The following ARHGAP15 variants were observed in gnomAD, a reference collection of about 807,000 sequenced individuals.
ARHGAP15 encodes the protein rho GTPase-activating protein 15.
Under a neutral mutation model 63.7 loss-of-function variants are expected in ARHGAP15, and 51 were observed. The observed-to-expected ratio is 0.80, with a 90% CI of 0.64 to 1.01. ARHGAP15 has a LOEUF of 1.01. Among genes scored for constraint, ARHGAP15 ranks in the 50% least tolerant of loss-of-function variants. ARHGAP15 has a pLI of 0.00. For synonymous variants in ARHGAP15, 191 were observed against 193.8 expected, an observed-to-expected ratio of 0.99 and a Z score of 0.12; for missense variants, 560 against 564.6, an observed-to-expected ratio of 0.99 and a Z score of 0.08.
chr2:143,529,700 A>T (rs1410203152), intron 10 of ARHGAP15, among the ~76,000 whole-genome samples: 4 of 152,012 alleles, frequency 2.6e-5, no homozygotes, highest in Non-Finnish European at 5.9e-5. Flanking sequence ...CTTTTTATCC[A>T]TCTGCCAAAT....
intron 12 of ARHGAP15, among the ~76,000 whole-genome samples, chr2:143,686,635 C>T (rs1420531166): frequency 2.0e-5 from 3 of 151,982 alleles, no homozygotes; most frequent in East Asian, 1.9e-4. Context: ...GGTATAAATG[C>T]CATATAGAGG....
intron 6 of ARHGAP15, among the ~76,000 whole-genome samples, chr2:143,417,645 C>T (rs1342258331): frequency 6.6e-6 from 1 of 152,142 alleles, no homozygotes; most frequent in Non-Finnish European, 1.5e-5. Context: ...TTGTGAATGA[C>T]GGGCACAGAT....
intron 8 of ARHGAP15, among the ~76,000 whole-genome samples, chr2:143,471,134 TAC>T (rs1227490201): frequency 4.1e-5 from 6 of 146,952 alleles, no homozygotes; most frequent in Non-Finnish European, 7.4e-5. Flanking sequence ...CATACATGTA[TAC>T]ACACATGTGT....
chr2:143,432,899 A>C (rs1434864764), intron 6 of ARHGAP15, among the ~76,000 whole-genome samples: 1 of 151,922 alleles, frequency 6.6e-6, no homozygotes, highest in Admixed American at 6.6e-5. Context: ...TCTTATCTAA[A>C]CCTGTTATGT....
chr2:143,562,785 A>G (rs956631555), intron 11 of ARHGAP15, among the ~76,000 whole-genome samples: 1 of 152,214 alleles, frequency 6.6e-6, no homozygotes, highest in Non-Finnish European at 1.5e-5. Context: ...GCTTAAGAAA[A>G]TGTATTGGCA....
chr2:143,324,183 A>C (rs1684153155), intron 6 of ARHGAP15, among the ~76,000 whole-genome samples: 1 of 152,182 alleles, frequency 6.6e-6, no homozygotes. Context: ...ATACCCACAC[A>C]CAAAACTACA....
intron 6 of ARHGAP15, among the ~76,000 whole-genome samples, chr2:143,299,737 T>C (rs764317388): frequency 6.6e-6 from 1 of 152,026 alleles, no homozygotes; most frequent in Non-Finnish European, 1.5e-5. Flanking sequence ...AGAGTTCTTC[T>C]GTAGGCAAAA....
At chr2:143,574,342 G>C (rs948344273) in intron 11 of ARHGAP15, among the ~76,000 whole-genome samples, 1 of 152,076 alleles carries the variant, frequency 6.6e-6, no homozygotes, top group Non-Finnish European at 1.5e-5. Context: ...AGAGCCTAAA[G>C]CTACTTTGGA....
intron 4 of ARHGAP15, among the ~76,000 whole-genome samples, chr2:143,220,644 C>T (rs1349910328): frequency 6.6e-6 from 1 of 152,068 alleles, no homozygotes; most frequent in East Asian, 1.9e-4. Flanking sequence ...TCACTAGCAA[C>T]AAAAATGGTC....
intron 12 of ARHGAP15, among the ~76,000 whole-genome samples, chr2:143,666,291 C>T (rs1682178484): frequency 6.7e-6 from 1 of 150,182 alleles, no homozygotes; most frequent in Non-Finnish European, 1.5e-5. Flanking sequence ...TGATCTTTGA[C>T]AAACCTGAGA....
chr2:143,219,731 G>A (rs1303276540), intron 4 of ARHGAP15, among the ~76,000 whole-genome samples: 1 of 152,158 alleles, frequency 6.6e-6, no homozygotes, highest in Non-Finnish European at 1.5e-5. Context: ...TCAGCACGTA[G>A]CATCATCCAA....
chr2:143,131,161 A>G (rs937846435), intron 1 of ARHGAP15, among the ~76,000 whole-genome samples: 6 of 152,218 alleles, frequency 3.9e-5, no homozygotes, highest in Admixed American at 3.9e-4. Flanking sequence ...TAAAATTAAG[A>G]ATGAATTGAA....
intron 12 of ARHGAP15, among the ~76,000 whole-genome samples, chr2:143,651,495 T>G (rs185245782): frequency 2.0e-5 from 3 of 151,992 alleles, no homozygotes; most frequent in Non-Finnish European, 4.4e-5. Flanking sequence ...TTTGGAGTGG[T>G]CAGTTTGGGC....
intron 6 of ARHGAP15, among the ~76,000 whole-genome samples, chr2:143,274,501 T>C (rs1279860192): frequency 6.6e-6 from 1 of 152,248 alleles, no homozygotes; most frequent in African/African-American, 2.4e-5. Flanking sequence ...TGATCTGAAA[T>C]GTTCAATGGT....
At chr2:143,232,010 T>C (rs1693464332) in intron 5 of ARHGAP15, among the ~76,000 whole-genome samples, 1 of 152,210 alleles carries the variant, frequency 6.6e-6, no homozygotes, top group African/African-American at 2.4e-5. Flanking sequence ...AACATAGGAA[T>C]TTTAGAGTAA....
chr2:143,570,022 C>T (rs1016457730), intron 11 of ARHGAP15, among the ~76,000 whole-genome samples: 1 of 152,076 alleles, frequency 6.6e-6, no homozygotes, highest in Non-Finnish European at 1.5e-5. Flanking sequence ...CTCCCCAGGT[C>T]AATTTTATTA....
At chr2:143,253,561 C>A (rs1459584464) in intron 6 of ARHGAP15, among the ~76,000 whole-genome samples, 1 of 151,972 alleles carries the variant, frequency 6.6e-6, no homozygotes, top group African/African-American at 2.4e-5. Context: ...CAACAACTTT[C>A]AGTAAATCAG....
intron 12 of ARHGAP15, among the ~76,000 whole-genome samples, chr2:143,699,940 A>G (rs1684012626): frequency 6.6e-6 from 1 of 152,204 alleles, no homozygotes; most frequent in African/African-American, 2.4e-5. Flanking sequence ...CCACACGGCT[A>G]ATAAAAAGCT....
At chr2:143,324,650 A>G (rs1684176656) in intron 6 of ARHGAP15, among the ~76,000 whole-genome samples, 1 of 152,162 alleles carries the variant, frequency 6.6e-6, no homozygotes, top group Non-Finnish European at 1.5e-5. Flanking sequence ...TTACGTTCAG[A>G]TTTTGTATGC....
Sources: gnomAD v4.1 joint callset for allele counts (sites outside exome capture counted in the v4.1 genomes callset) on GRCh38, gnomAD v4.1.1 for gene constraint, MANE v1.5 for transcripts, NCBI Gene and HGNC (gene_info 2026-07-23, HGNC 2026-07-21) for gene names.